The following TRIQK variants were observed in gnomAD, a reference collection of about 807,000 sequenced individuals.
The protein encoded by TRIQK is triple QxxK/R motif containing.
A neutral mutation model predicts 10.8 loss-of-function variants in TRIQK; 10 were observed. The ratio of observed to expected loss-of-function variants is 0.92; its 90% CI spans 0.57 to 1.57. The LOEUF (loss-of-function observed/expected upper bound fraction) is 1.57, where lower values mean the gene tolerates loss of function less well. Ranked by LOEUF, TRIQK falls within the 40% of genes most tolerant of loss-of-function variation. The pLI is 0.00. For synonymous variants in TRIQK, 33 were observed against 33.7 expected (o/e 0.98, Z 0.07); for missense variants, 107 against 97.7 (o/e 1.09, Z -0.40).
chr8:92,939,534 G>A (rs1811165376), intron 2 of TRIQK, among the ~76,000 whole-genome samples: 1 of 152,068 alleles, frequency 6.6e-6, no homozygotes, highest in South Asian at 2.1e-4. Flanking sequence ...GCCCAGGAAG[G>A]TAAGCAATGG....
chr8:92,964,634 AT>A (rs1206660169), intron 1 of TRIQK, among the ~76,000 whole-genome samples: 19 of 151,724 alleles, frequency 1.3e-4, no homozygotes, highest in Admixed American at 1.2e-3. Flanking sequence ...CACAAGGGAA[AT>A]TTGAAAATAC....
chr8:92,942,709 G>A (rs1335879590), intron 2 of TRIQK, among the ~76,000 whole-genome samples: 1 of 152,118 alleles, frequency 6.6e-6, no homozygotes, highest in Non-Finnish European at 1.5e-5. Flanking sequence ...TTTCTTCTTT[G>A]TTTTAGACAG....
chr8:92,954,596 T>C (rs1453531195), intron 1 of TRIQK, 32 bp from the exon 2 acceptor site: 1 of 151,944 alleles, frequency 6.6e-6, no homozygotes, highest in Admixed American at 6.6e-5. Flanking sequence ...ATAGAAATAG[T>C]AAATGGATGA....
chr8:92,999,731 G>T (rs1309289420), intron 1 of TRIQK, among the ~76,000 whole-genome samples: 1 of 152,066 alleles, frequency 6.6e-6, no homozygotes, highest in African/African-American at 2.4e-5. Context: ...CCAGCATTTT[G>T]TTGTTCTTTT....
At position 93,003,309 on chromosome 8, in the gene TRIQK, G is replaced by GGAGAGAGAGAGAGAGA. The variant is rs71565204; in HGVS notation, c.-181+14284_-181+14299dup. 7.5e-3 allele frequency among the ~76,000 whole-genome samples: 1,014 copies of GGAGAGAGAGAGAGAGA among 135,578 alleles called. 15 individuals are homozygous for GGAGAGAGAGAGAGAGA. Among genetic ancestry groups the GGAGAGAGAGAGAGAGA allele is most frequent in the African/African-American group, 0.017 (551 of 33,356 alleles). 88.9% of individuals were successfully genotyped at this position (135,578 alleles called of 152,430 possible). On this transcript the variant is annotated intron_variant, in intron 1 of 4. Coordinates refer to the TRIQK transcript ENST00000520686. ...GAAGCAAGCATGTTTCCCGCTTACA[G>GGAGAGAGAGAGAGAGA]GAGAGAGAGAGAGAGAGAGAGAGAG...
chr8:92,896,750 C>T (rs937912783), intron 3 of TRIQK, among the ~76,000 whole-genome samples: 2 of 151,688 alleles, frequency 1.3e-5, no homozygotes, highest in Non-Finnish European at 2.9e-5. Flanking sequence ...TTTTTTCTTG[C>T]CTAATTCTCC....
At chr8:92,955,629 G>T (rs753445796) in intron 1 of TRIQK, among the ~76,000 whole-genome samples, 15 of 151,594 alleles carry the variant, frequency 9.9e-5, no homozygotes, top group Non-Finnish European at 1.8e-4. Flanking sequence ...CCAAAAAAGT[G>T]CAAAGACAGT....
chr8:92,944,617 C>T (rs1811427691), intron 2 of TRIQK, among the ~76,000 whole-genome samples: 2 of 152,126 alleles, frequency 1.3e-5, no homozygotes, highest in African/African-American at 4.8e-5. Flanking sequence ...CACAGGAAGA[C>T]AGCTACAGCA....
intron 1 of TRIQK, among the ~76,000 whole-genome samples, chr8:92,978,261 T>C (rs1329842861): frequency 6.6e-6 from 1 of 152,150 alleles, no homozygotes; most frequent in Non-Finnish European, 1.5e-5. Context: ...TGCTGTGGCC[T>C]GGAAACTTTG....
intron 3 of TRIQK, among the ~76,000 whole-genome samples, chr8:92,913,020 C>T (rs1419663804): frequency 1.3e-5 from 2 of 152,056 alleles, no homozygotes; most frequent in South Asian, 4.1e-4. Flanking sequence ...AAACTACTGA[C>T]CACTATTCTC....
At chr8:92,950,110 T>A (rs550481688) in intron 2 of TRIQK, among the ~76,000 whole-genome samples, 2 of 152,300 alleles carry the variant, frequency 1.3e-5, no homozygotes, top group Admixed American at 6.5e-5. Flanking sequence ...TTGGATAACT[T>A]TTAAAATGCC....
At chr8:92,927,504 AGAG>A (rs1810505020) in intron 2 of TRIQK, among the ~76,000 whole-genome samples, 1 of 152,202 alleles carries the variant, frequency 6.6e-6, no homozygotes, top group South Asian at 2.1e-4. Flanking sequence ...TTATTTTACT[AGAG>A]AAGAAAGGTT....
At chr8:92,898,255 A>T (rs1484075525) in intron 3 of TRIQK, among the ~76,000 whole-genome samples, 1 of 152,128 alleles carries the variant, frequency 6.6e-6, no homozygotes, top group Admixed American at 6.6e-5. Flanking sequence ...AGACTGGTCA[A>T]ATTGTGACAA....
intron 1 of TRIQK, among the ~76,000 whole-genome samples, chr8:92,975,736 T>G (rs1812923509): frequency 6.6e-6 from 1 of 152,030 alleles, no homozygotes; most frequent in African/African-American, 2.4e-5. Flanking sequence ...TCTTCTTGTT[T>G]TAGTTACTTT....
chr8:92,929,963 GA>G (rs1175914344), intron 2 of TRIQK, among the ~76,000 whole-genome samples: 4 of 151,928 alleles, frequency 2.6e-5, no homozygotes, highest in African/African-American at 9.6e-5. Context: ...TTTAAATAAA[GA>G]TTTTTTTATG....
intron 3 of TRIQK, among the ~76,000 whole-genome samples, chr8:92,900,455 T>C (rs560835034): frequency 2.6e-4 from 40 of 152,178 alleles, no homozygotes; most frequent in Non-Finnish European, 5.0e-4. Flanking sequence ...GTCTTCTGAA[T>C]ATAGATATCC....
intron 1 of TRIQK, among the ~76,000 whole-genome samples, chr8:92,971,369 A>G (rs1195506922): frequency 6.6e-6 from 1 of 152,146 alleles, no homozygotes; most frequent in Non-Finnish European, 1.5e-5. Context: ...CTGTTTGCAG[A>G]TGACATGATC....
At chr8:93,010,523 A>T (rs2130762972) in intron 1 of TRIQK, among the ~76,000 whole-genome samples, 1 of 152,268 alleles carries the variant, frequency 6.6e-6, no homozygotes. Flanking sequence ...TACAAATTAT[A>T]ATTTATATGA....
chr8:92,991,700 G>A (rs1044039701), intron 1 of TRIQK, among the ~76,000 whole-genome samples: 1 of 152,140 alleles, frequency 6.6e-6, no homozygotes, highest in African/African-American at 2.4e-5. Flanking sequence ...AATGGGAAGA[G>A]AGGAAGTCAA....
Sources: gnomAD v4.1 joint callset for allele counts (sites outside exome capture counted in the v4.1 genomes callset) on GRCh38, gnomAD v4.1.1 for gene constraint, MANE v1.5 for transcripts, NCBI Gene and HGNC (gene_info 2026-07-23, HGNC 2026-07-21) for gene names.